Variants in NREP observed in about 807,000 individuals in gnomAD.
NREP encodes neuronal regeneration-related protein.
A neutral mutation model predicts 8.6 loss-of-function variants in NREP; 5 were observed. The observed-to-expected ratio is 0.58, with a 90% confidence interval of 0.30 to 1.22. NREP has a LOEUF of 1.22. NREP is among the 50% of genes most tolerant of loss of function. The pLI, the probability that NREP is intolerant of heterozygous loss-of-function variation, is 0.07. For missense variants in NREP, 86 were observed against 82.5 expected, an observed-to-expected ratio of 1.04 and a Z score of -0.17; for synonymous variants, 27 against 28.0, an observed-to-expected ratio of 0.96 and a Z score of 0.11.
At chr5:111,784,060 G>A (rs978633923) in intron 2 of NREP, among the ~76,000 whole-genome samples, 1 of 152,144 alleles carries the variant, frequency 6.6e-6, no homozygotes, top group Non-Finnish European at 1.5e-5. Flanking sequence ...GTGGGGTAGA[G>A]GGGGTGGACA....
chr5:111,751,918 A>G (rs1750384453), intron 2 of NREP, among the ~76,000 whole-genome samples: 1 of 152,212 alleles, frequency 6.6e-6, no homozygotes, highest in Non-Finnish European at 1.5e-5. Context: ...AAAATGTAGG[A>G]CCACGAAGTT....
chr5:111,878,323 G>A (rs1185335235), intron 2 of NREP, among the ~76,000 whole-genome samples: 2 of 152,202 alleles, frequency 1.3e-5, no homozygotes, highest in Non-Finnish European at 2.9e-5. Flanking sequence ...GAAGGCCTCA[G>A]GAAACTTGTA....
chr5:111,949,099 TC>T (rs1422712295), intron 2 of NREP: 3 of 152,116 alleles, frequency 2.0e-5, no homozygotes, highest in Admixed American at 2.0e-4. Flanking sequence ...CTTTGTTTCC[TC>T]AACCAGCAAT....
At chr5:111,953,640 T>A (rs1419961371) in intron 2 of NREP, among the ~76,000 whole-genome samples, 2 of 151,964 alleles carry the variant, frequency 1.3e-5, no homozygotes, top group African/African-American at 4.8e-5. Flanking sequence ...CTCAGACACT[T>A]AGGTTACATT....
chr5:111,896,276 C>A (rs1754509674), intron 2 of NREP, among the ~76,000 whole-genome samples: 2 of 152,104 alleles, frequency 1.3e-5, no homozygotes, highest in Non-Finnish European at 2.9e-5. Context: ...AATGAAGAAT[C>A]AGGGATTATA....
rs1237052594 is a variant in NREP at position 111,730,736 on chromosome 5, G to C, written c.*185C>G. ...TGAAATTCTGAGCGTTTTCACTTGA[G>C]TCAGAATGATTAAAAACTGGTTTGA... On this transcript the variant is annotated 3_prime_UTR_variant, in exon 4 of 4. Coordinates refer to ENST00000257435, the MANE Select transcript of NREP (RefSeq NM_004772.4). 7.6e-6 allele frequency: 5 copies of C among 658,456 alleles called. No homozygotes were observed. The East Asian group carries it at 1.4e-4, about 18-fold the overall frequency. The allele number at this position is 658,456 out of a possible 1,614,324, so 40.8% of individuals were successfully genotyped here.
intron 2 of NREP, among the ~76,000 whole-genome samples, chr5:111,838,715 ATG>A (rs140212848): frequency 6.6e-6 from 1 of 151,950 alleles, no homozygotes; most frequent in Non-Finnish European, 1.5e-5. Context: ...ATATATATAT[ATG>A]TGTGTGTGTT....
intron 2 of NREP, among the ~76,000 whole-genome samples, chr5:111,742,986 C>T (rs1749776293): frequency 6.6e-6 from 1 of 152,136 alleles, no homozygotes; most frequent in African/African-American, 2.4e-5. Context: ...GAATTAAGTT[C>T]AGCACTTCAA....
intron 2 of NREP, among the ~76,000 whole-genome samples, chr5:111,792,400 G>A (rs544571915): frequency 6.6e-6 from 1 of 152,292 alleles, no homozygotes; most frequent in African/African-American, 2.4e-5. Context: ...AAAATGATTG[G>A]AAGAGGTTTA....
chr5:111,818,735 TG>T (rs1752449059), intron 2 of NREP, among the ~76,000 whole-genome samples: 3 of 152,236 alleles, frequency 2.0e-5, no homozygotes, highest in Admixed American at 2.0e-4. Context: ...AGTAATGTAG[TG>T]TACCATTGTT....
intron 2 of NREP, among the ~76,000 whole-genome samples, chr5:111,811,079 A>T (rs1752259207): frequency 6.6e-6 from 1 of 152,212 alleles, no homozygotes; most frequent in South Asian, 2.1e-4. Flanking sequence ...AGTGTGGAAT[A>T]AACACTTAGC....
intron 2 of NREP, among the ~76,000 whole-genome samples, chr5:111,863,021 A>G (rs1200728075): frequency 6.6e-6 from 1 of 151,428 alleles, no homozygotes. Flanking sequence ...TTAATTAGGG[A>G]ATGGTATGAT....
At chr5:111,919,788 G>A (rs561990307) in intron 2 of NREP, among the ~76,000 whole-genome samples, 9 of 151,566 alleles carry the variant, frequency 5.9e-5, no homozygotes, top group African/African-American at 1.7e-4. Flanking sequence ...AGGTTGATGG[G>A]TGCAGCAAAC....
chr5:111,809,275 C>G (rs1025461382), intron 2 of NREP, among the ~76,000 whole-genome samples: 3 of 152,182 alleles, frequency 2.0e-5, no homozygotes, highest in Non-Finnish European at 4.4e-5. Flanking sequence ...GACTATGATT[C>G]TACTTTCAGT....
intron 2 of NREP, among the ~76,000 whole-genome samples, chr5:111,862,272 G>C (rs899383615): frequency 2.6e-5 from 4 of 152,182 alleles, no homozygotes; most frequent in Non-Finnish European, 4.4e-5. Context: ...ATAGTAGGTA[G>C]ATTTAAGGTG....
At chr5:111,931,736 T>C (rs1225134465) in intron 2 of NREP, among the ~76,000 whole-genome samples, 1 of 152,168 alleles carries the variant, frequency 6.6e-6, no homozygotes, top group Non-Finnish European at 1.5e-5. Context: ...TAGTAATTGA[T>C]AAAATGTTCT....
intron 2 of NREP, among the ~76,000 whole-genome samples, chr5:111,947,923 T>G (rs1392644733): frequency 6.6e-6 from 1 of 152,058 alleles, no homozygotes; most frequent in Non-Finnish European, 1.5e-5. Flanking sequence ...CCCCATTTAC[T>G]ACCAGTTAGC....
chr5:111,805,595 T>G (rs1043518466), intron 2 of NREP, among the ~76,000 whole-genome samples: 8 of 152,240 alleles, frequency 5.3e-5, no homozygotes, highest in Non-Finnish European at 1.0e-4. Flanking sequence ...CACACGTATG[T>G]ACATATATAT....
At chr5:111,812,460 T>C (rs1752291973) in intron 2 of NREP, among the ~76,000 whole-genome samples, 1 of 152,166 alleles carries the variant, frequency 6.6e-6, no homozygotes, top group Admixed American at 6.5e-5. Context: ...TGTAATGTAT[T>C]AATAGCTAAA....
Sources: allele counts gnomAD v4.1 joint callset (sites outside exome capture counted in the v4.1 genomes callset), GRCh38; gene constraint gnomAD v4.1.1; transcripts MANE v1.5; gene names NCBI Gene and HGNC (gene_info 2026-07-23, HGNC 2026-07-21).